The following OVCH2 variants were observed in gnomAD, a reference collection of about 807,000 sequenced individuals.
OVCH2 encodes the protein ovochymase 2, also known as ovochymase-2.
In OVCH2, 88 loss-of-function variants were observed where a neutral mutation model predicts 73.7. The ratio of observed to expected loss-of-function variants is 1.19; its 90% CI spans 1.01 to 1.43. The LOEUF (loss-of-function observed/expected upper bound fraction) is 1.43. OVCH2 is among the 40% of genes most tolerant of loss of function. The probability of loss-of-function intolerance (pLI) is 0.00; values close to 1 mark genes in which losing one functional copy is unlikely to be tolerated. For missense variants in OVCH2, 706 were observed against 674.5 expected (o/e 1.05, Z -0.52); for synonymous variants, 265 against 234.5 (o/e 1.13, Z -1.19).
At chr11:7,699,590 C>T (rs1307475556) in intron 7 of OVCH2, 1 of 152,000 alleles carries the variant, frequency 6.6e-6, no homozygotes, top group South Asian at 2.1e-4. Flanking sequence ...TTTTATTTTT[C>T]TCCAAATATT....
At chr11:7,688,495 C>A (rs1856167300), downstream of OVCH2, among the ~76,000 whole-genome samples, 1 of 152,152 alleles carries the variant, frequency 6.6e-6, no homozygotes, top group Non-Finnish European at 1.5e-5. Flanking sequence ...CCACCCGGGG[C>A]TTCTTTGCAT....
chr11:7,695,724 A>G lies in OVCH2; in HGVS notation c.1142-14T>C, dbSNP rs567156227. On this transcript the variant is annotated splice_polypyrimidine_tract_variant and intron_variant, in intron 10 of 15. Transcript: ENST00000533663. ...CACAAAATTTTCCTGCAGGATGAGA[A>G]AAAAGGATTCTTTGTTCAGAATCTA... is the stretch of plus-strand genomic sequence containing the variant. The G allele has an allele frequency of 1.0e-4, 164 of 1,589,502 alleles. 2 individuals are homozygous for G. In the Admixed American group the frequency reaches 2.8e-3, roughly 27 times the overall value.
the OVCH2 span, among the ~76,000 whole-genome samples, chr11:7,679,131 G>A: frequency 6.6e-6 from 1 of 152,144 alleles, no homozygotes; most frequent in Admixed American, 6.5e-5. Context: ...CCCCAGATAT[G>A]CCCACAACCT....
downstream of OVCH2, among the ~76,000 whole-genome samples, chr11:7,688,856 G>A (rs1306443141): frequency 1.3e-5 from 2 of 152,198 alleles, no homozygotes; most frequent in African/African-American, 2.4e-5. Context: ...CTAGAACATA[G>A]TAGTATACTT....
rs766477502 is a variant in OVCH2 at position 7,691,167 on chromosome 11, T to C, written c.1639+102A>G. 4.4e-6 allele frequency: 6 copies of C among 1,356,520 alleles called. No homozygotes were observed. The South Asian group carries it at 5.2e-5, about 12-fold the overall frequency. 84.0% of individuals were successfully genotyped at this position (1,356,520 alleles called of 1,614,324 possible). A position where few individuals can be genotyped will look rare whatever the true frequency, so the allele number is the denominator to read the frequency against. Reference sequence around the variant, plus strand: ...CTTGATAGGATGTAATTACTGCAGATAGTGAGAATCGACTGTCTCTGTGTT... The same window carrying C: ...CTTGATAGGATGTAATTACTGCAGACAGTGAGAATCGACTGTCTCTGTGTT... On this transcript the variant is annotated intron_variant, in intron 14 of 15. Transcript: ENST00000533663.
chr11:7,681,313 T>C, the OVCH2 span, among the ~76,000 whole-genome samples: 236 of 152,316 alleles, frequency 1.5e-3, 1 homozygote, highest in African/African-American at 5.4e-3. Flanking sequence ...AGAAGCACTA[T>C]AGACAGGTAT....
the OVCH2 span, among the ~76,000 whole-genome samples, chr11:7,681,959 T>A: frequency 1.3e-5 from 2 of 152,120 alleles, no homozygotes; most frequent in African/African-American, 2.4e-5. Context: ...CTCTGCTTCC[T>A]TTTCTTTTAT....
chr11:7,696,873 C>T (rs1856347065), intron 8 of OVCH2, 74 bp from the exon 9 acceptor site: 1 of 1,341,426 alleles, frequency 7.5e-7, no homozygotes, highest in African/African-American at 1.4e-5. Flanking sequence ...CCAGAAGCTG[C>T]AAACACCATA....
At chr11:7,703,672 T>G in intron 3 of OVCH2, 26 bp downstream of exon 3, 5 of 1,552,512 alleles carry the variant, frequency 3.2e-6, no homozygotes, top group Non-Finnish European at 4.4e-6. Context: ...GGTGTGGTCT[T>G]CACTCATGGG....
chr11:7,682,019 A>G, the OVCH2 span, among the ~76,000 whole-genome samples: 9 of 150,580 alleles, frequency 6.0e-5, no homozygotes, highest in Admixed American at 4.6e-4. Context: ...TGTGATGACA[A>G]TTTCTGTTTT....
At chr11:7,705,629 G>A (rs562514090) in intron 1 of OVCH2, 3 of 152,304 alleles carry the variant, frequency 2.0e-5, no homozygotes, top group African/African-American at 7.2e-5. Context: ...ACACACAGCT[G>A]GATAATGGCA....
chr11:7,686,110 C>T (rs934211189), downstream of OVCH2, among the ~76,000 whole-genome samples: 2 of 152,224 alleles, frequency 1.3e-5, no homozygotes, highest in African/African-American at 4.8e-5. Context: ...GAGATACTTA[C>T]ACCGAATATA....
downstream of OVCH2, among the ~76,000 whole-genome samples, chr11:7,684,502 ACATATGTG>A (rs1856121077): frequency 1.9e-5 from 2 of 104,338 alleles, no homozygotes; most frequent in East Asian, 2.3e-4. Context: ...ACACATACAT[ACATATGTG>A]TGTGTGTGTG....
chr11:7,701,571 G>C, intron 5 of OVCH2, 96 bp from the exon 6 acceptor site: 2 of 1,495,560 alleles, frequency 1.3e-6, no homozygotes, highest in East Asian at 2.4e-5. Context: ...GGCAAGACTT[G>C]AATTTCTAAG....
At chr11:7,687,004 T>C (rs1199639918), downstream of OVCH2, among the ~76,000 whole-genome samples, 3 of 152,090 alleles carry the variant, frequency 2.0e-5, no homozygotes, top group Non-Finnish European at 2.9e-5. Flanking sequence ...AAACATACCA[T>C]ACTCCTGGCA....
intron 11 of OVCH2, 131 bp downstream of exon 11, chr11:7,695,439 C>T (rs1856311028): frequency 7.0e-6 from 7 of 1,003,376 alleles, no homozygotes; most frequent in Non-Finnish European, 1.0e-5. Context: ...CTCTAGTTGG[C>T]CTGTGCCCCT....
Position 7,696,756 on chromosome 11 carries a change from C to G in OVCH2, c.969G>C (p.Gly323=), listed in dbSNP as rs774528434. ...GGAGGCTTTCTGGGAAGTGCAGCTTCCCCTCAGCCCCGCTGACTATGACAT... is the reference window on the plus strand; with the variant it reads ...GGAGGCTTTCTGGGAAGTGCAGCTTGCCCTCAGCCCCGCTGACTATGACAT... ...EQDVIVSGAE[G]KLHFPESLHL... The change falls in exon 9 of 16, where the codon GGG becomes GGC. Residue 323 remains glycine, a synonymous_variant. Transcript: ENST00000533663. The G allele has an allele frequency of 1.2e-5, 19 of 1,612,354 alleles. No homozygotes were observed. Among genetic ancestry groups the G allele is most frequent in the Non-Finnish European group, 1.5e-5 (18 of 1,179,206 alleles).
chr11:7,698,628 T>C, intron 8 of OVCH2, 122 bp downstream of exon 8: 4 of 945,158 alleles, frequency 4.2e-6, no homozygotes, highest in Non-Finnish European at 4.7e-6. Context: ...GTGCTCCAGG[T>C]GGTAGTTTTA....
intron 11 of OVCH2, 128 bp downstream of exon 11, chr11:7,695,442 G>C (rs904136228): frequency 9.8e-7 from 1 of 1,022,570 alleles, no homozygotes; most frequent in African/African-American, 1.7e-5. Context: ...TAGTTGGCCT[G>C]TGCCCCTCTC....
Sources: allele counts gnomAD v4.1 joint callset (sites outside exome capture counted in the v4.1 genomes callset), GRCh38; gene constraint gnomAD v4.1.1; transcripts MANE v1.5; gene names NCBI Gene and HGNC (gene_info 2026-07-23, HGNC 2026-07-21).